DCTN4: variants seen among roughly 807,000 people sequenced by gnomAD.
The protein encoded by DCTN4 is dynactin 4 (p62).
A neutral mutation model predicts 62.7 loss-of-function variants in DCTN4; 23 were observed. The observed-to-expected ratio is 0.37, with a 90% CI of 0.26 to 0.52. The LOEUF is 0.52. DCTN4 is among the 20% of genes least tolerant of loss of function. The pLI is 0.92. For synonymous variants in DCTN4, 199 were observed against 202.1 expected (o/e 0.98, Z 0.13); for missense variants, 514 against 580.4 (o/e 0.89, Z 1.18).
At chr5:150,743,825 T>C (rs1472091383) in intron 3 of DCTN4, among the ~76,000 whole-genome samples, 6 of 151,614 alleles carry the variant, frequency 4.0e-5, no homozygotes, top group East Asian at 1.9e-4. Flanking sequence ...GTAGATAAAA[T>C]CACAAAGATG....
At chr5:150,733,586 T>C (rs932659599) in intron 4 of DCTN4, 111 bp from the exon 5 acceptor site, 4 of 645,678 alleles carry the variant, frequency 6.2e-6, no homozygotes, top group African/African-American at 3.7e-5. Flanking sequence ...ATTATTAAGA[T>C]GGGCAAGTTT....
intron 8 of DCTN4, 42 bp from the exon 9 acceptor site, chr5:150,723,022 C>T (rs1760010258): frequency 7.1e-7 from 1 of 1,415,586 alleles, no homozygotes; most frequent in Non-Finnish European, 9.9e-7. Context: ...AAGACAACAA[C>T]ACACTTTGTT....
At chr5:150,758,657 G>A (rs1392201304) in intron 1 of DCTN4, 1 of 1,252,316 alleles carries the variant, frequency 8.0e-7, no homozygotes, top group East Asian at 2.7e-5. Flanking sequence ...AGAACCAGAA[G>A]ATCCGCTCAG....
At position 150,718,416 on chromosome 5, in the gene DCTN4, C is replaced by T. The variant is rs765020387; in HGVS notation, c.964-33G>A. On this transcript the variant is annotated intron_variant, in intron 10 of 12. Transcript: ENST00000447998. ...ATAGGAAACACATCTCTCAGACATTCGCCACTTTCTTAGCTGCTATACCGA... is the reference window on the plus strand; with the variant it reads ...ATAGGAAACACATCTCTCAGACATTTGCCACTTTCTTAGCTGCTATACCGA... The T allele has an allele frequency of 2.0e-5, 31 of 1,517,816 alleles. 1 individual carries two copies. The Middle Eastern group carries it at 5.1e-4, about 25-fold the overall frequency. The allele number at this position is 1,517,816 out of a possible 1,614,324, so 94.0% of individuals were successfully genotyped here.
intron 11 of DCTN4, among the ~76,000 whole-genome samples, chr5:150,717,410 C>T (rs1316828848): frequency 1.3e-5 from 2 of 152,090 alleles, no homozygotes; most frequent in South Asian, 2.1e-4. Context: ...CCATCATGCC[C>T]GGCTAATTTT....
At chr5:150,742,945 T>C (rs1760821489) in intron 3 of DCTN4, 1 of 156,512 alleles carries the variant, frequency 6.4e-6, no homozygotes, top group Non-Finnish European at 1.4e-5. Context: ...ACTGGGTTCA[T>C]CTCACTAGGG....
At chr5:150,749,555 C>T (rs547193919) in intron 3 of DCTN4, among the ~76,000 whole-genome samples, 1 of 152,206 alleles carries the variant, frequency 6.6e-6, no homozygotes, top group South Asian at 2.1e-4. Context: ...GTGGTTCATG[C>T]TTTTAATCCC....
At chr5:150,731,608 T>TA (rs1212352934) in intron 5 of DCTN4, 119 bp from the exon 6 acceptor site, 2 of 767,932 alleles carry the variant, frequency 2.6e-6, no homozygotes, top group East Asian at 2.7e-5. Flanking sequence ...AAAAAAAAGC[T>TA]AATCTAAAGG....
chr5:150,723,563 G>A (rs1365067195), intron 8 of DCTN4, among the ~76,000 whole-genome samples: 1 of 152,126 alleles, frequency 6.6e-6, no homozygotes, highest in Non-Finnish European at 1.5e-5. Flanking sequence ...CCAACTCCTG[G>A]GCTCAAGTAA....
At chr5:150,741,855 C>T (rs1336357295) in intron 4 of DCTN4, among the ~76,000 whole-genome samples, 1 of 152,160 alleles carries the variant, frequency 6.6e-6, no homozygotes, top group East Asian at 1.9e-4. Flanking sequence ...GAAGAAAAAA[C>T]AAAAACTTGG....
At chr5:150,752,086 CAATG>C (rs1434473657) in intron 3 of DCTN4, among the ~76,000 whole-genome samples, 2 of 151,766 alleles carry the variant, frequency 1.3e-5, no homozygotes, top group African/African-American at 4.8e-5. Flanking sequence ...GAAAATTAAA[CAATG>C]AAACCTCAGA....
In DCTN4 at chr5:150,739,365, C is replaced by T. The variant is rs116155702; in HGVS notation, c.429+2749G>A. On this transcript the variant is annotated intron_variant, in intron 4 of 12. Transcript: ENST00000447998. ...CAAAAACAAAATGCTTAGGAATATA[C>T]CTAGCCAAGGAGGTGAAAGACCTCT... Among the ~76,000 whole-genome samples the T allele has an allele frequency of 3.2e-3, 485 of 152,158 alleles. 3 individuals carry two copies. The highest frequency in any genetic ancestry group is 0.011 in the African/African-American group (446 of 41,526).
intron 9 of DCTN4, 35 bp from the exon 10 acceptor site, chr5:150,719,805 T>C: frequency 7.5e-7 from 1 of 1,340,024 alleles, no homozygotes; most frequent in South Asian, 1.2e-5. Context: ...TAATGTTCAT[T>C]GGAGTCTCTT....
At chr5:150,711,421 G>A in intron 12 of DCTN4, 59 bp from the exon 13 acceptor site, 1 of 1,343,568 alleles carries the variant, frequency 7.4e-7, no homozygotes, top group Non-Finnish European at 1.1e-6. Flanking sequence ...AAACCACTAA[G>A]ACTTACAGTA....
intron 3 of DCTN4, among the ~76,000 whole-genome samples, chr5:150,748,217 C>T (rs1383668108): frequency 2.0e-5 from 3 of 150,042 alleles, no homozygotes; most frequent in Non-Finnish European, 3.0e-5. Context: ...CAGAGAAATG[C>T]AAATCAAAAC....
In DCTN4 at chr5:150,753,602, T is replaced by C; in HGVS notation, c.262A>G (p.Thr88Ala). 1.2e-6 allele frequency: 2 copies of C among 1,614,152 alleles called. No individual in the cohort carries two copies. Among genetic ancestry groups the C allele is most frequent in the Admixed American group, 1.7e-5 (1 of 60,020 alleles). ...GCMHTLSTRATSISTQLPDDP... is the reference protein window; with the variant it reads ...GCMHTLSTRAASISTQLPDDP... Reference sequence around the variant, plus strand: ...TCTGGAAGCTGTGTGGAGATGCTCGTGGCCCGAGTAGAGAGGGTGTGCATG... The same window carrying C: ...TCTGGAAGCTGTGTGGAGATGCTCGCGGCCCGAGTAGAGAGGGTGTGCATG... The change falls in exon 3 of 13, where the codon ACG (threonine) becomes GCG (alanine). Residue 88 changes from threonine (T) to alanine (A), a missense_variant. Physicochemically the swap from Thr to Ala is moderately conservative, Grantham distance 58. Transcript: ENST00000447998.
At chr5:150,719,290 T>C (rs1464386223) in intron 10 of DCTN4, among the ~76,000 whole-genome samples, 7 of 151,966 alleles carry the variant, frequency 4.6e-5, no homozygotes, top group Non-Finnish European at 1.5e-5. Flanking sequence ...TATTCTACAA[T>C]TCACTGGGTG....
intron 1 of DCTN4, chr5:150,758,603 A>G: frequency 8.2e-7 from 1 of 1,223,384 alleles, no homozygotes; most frequent in South Asian, 2.0e-5. Flanking sequence ...CATCGCAGAC[A>G]GACACGGTCC....
At chr5:150,743,849 G>C (rs1401085534) in intron 3 of DCTN4, among the ~76,000 whole-genome samples, 2 of 152,184 alleles carry the variant, frequency 1.3e-5, no homozygotes, top group East Asian at 1.9e-4. Context: ...AAAAAACAGA[G>C]CAGAAAAACT....
Sources: allele counts gnomAD v4.1 joint callset (sites outside exome capture counted in the v4.1 genomes callset), GRCh38; gene constraint gnomAD v4.1.1; transcripts MANE v1.5; gene names NCBI Gene and HGNC (gene_info 2026-07-23, HGNC 2026-07-21).